SMIM31: variants seen among roughly 807,000 people sequenced by gnomAD.
SMIM31 encodes the protein small integral membrane protein 31, also known as human epithelial cell program regulator.
At chr4:164,784,899 G>GT (rs112698821) in intron 2 of SMIM31, among the ~76,000 whole-genome samples, 18 of 146,242 alleles carry the variant, frequency 1.2e-4, no homozygotes, top group South Asian at 4.3e-4. Context: ...ATTTGTTTGG[G>GT]TTTTTTTTTT....
intron 1 of SMIM31, among the ~76,000 whole-genome samples, chr4:164,756,767 C>T (rs987574358): frequency 6.6e-6 from 1 of 151,964 alleles, no homozygotes; most frequent in Admixed American, 6.6e-5. Flanking sequence ...ATCACAAAAT[C>T]GTTCTTTTTA....
At chr4:164,762,077 C>T (rs1054314645) in intron 1 of SMIM31, among the ~76,000 whole-genome samples, 1 of 152,140 alleles carries the variant, frequency 6.6e-6, no homozygotes, top group East Asian at 1.9e-4. Flanking sequence ...CTCCACATGC[C>T]ACCACCCCCA....
chr4:164,758,153 A>G (rs920063459), intron 1 of SMIM31, among the ~76,000 whole-genome samples: 2 of 152,042 alleles, frequency 1.3e-5, no homozygotes, highest in African/African-American at 2.4e-5. Context: ...TCTATTTAAA[A>G]TATAATTATT....
chr4:164,773,938 G>C (rs547832376), intron 2 of SMIM31, among the ~76,000 whole-genome samples: 1 of 152,034 alleles, frequency 6.6e-6, no homozygotes. Context: ...AGGCCGAGGC[G>C]GGCGGATCAC....
chr4:164,754,662 G>C (rs981028534), intron 1 of SMIM31, among the ~76,000 whole-genome samples: 1 of 125,320 alleles, frequency 8.0e-6, no homozygotes, highest in Non-Finnish European at 1.6e-5. Context: ...CTTCTCTTTT[G>C]CTATGTTTGG....
At chr4:164,766,796 C>CA (rs33966423) in intron 1 of SMIM31, among the ~76,000 whole-genome samples, 13,466 of 115,910 alleles carry the variant, frequency 0.12, 827 homozygotes, top group East Asian at 0.19. Context: ...GACTCCATCT[C>CA]AAAAAAAAAA....
chr4:164,799,822 T>C (rs965061850), intron 2 of SMIM31, among the ~76,000 whole-genome samples: 4 of 152,230 alleles, frequency 2.6e-5, no homozygotes, highest in Non-Finnish European at 5.9e-5. Context: ...GTCTGAAGCA[T>C]GGTGTGTGCT....
chr4:164,789,001 G>A (rs1434597062), intron 2 of SMIM31, among the ~76,000 whole-genome samples: 1 of 151,834 alleles, frequency 6.6e-6, no homozygotes, highest in Non-Finnish European at 1.5e-5. Context: ...TGGAACTTTA[G>A]ATTTAAAAAG....
At position 164,801,157 on chromosome 4, in the gene SMIM31, C is replaced by T. The variant is rs1271719360; in HGVS notation, c.179C>T (p.Ser60Leu). The stretch of plus-strand genomic sequence containing the variant: ...AAGTCTGAAAAGAAGAAAAATTGCT[C>T]AGAGGAAGAGCACAGAATTGAAGCT... ...RKKSEKKKNC[S>L]EEEHRIEAVE... The change falls in exon 3 of 3, where the codon TCA becomes TTA. Residue 60 changes from serine to leucine, a missense_variant. Ser to Leu is a moderately radical substitution (Grantham distance 145). Coordinates refer to ENST00000507311, the MANE Select transcript of SMIM31 (RefSeq NM_001352885.1). The T allele has an allele frequency of 2.5e-6, 1 of 398,664 alleles. No homozygotes were observed. The highest frequency in any genetic ancestry group is 4.4e-6 in the Non-Finnish European group (1 of 226,026). The allele number at this position is 398,664 out of a possible 1,614,324, so 24.7% of individuals were successfully genotyped here. A position where few individuals can be genotyped will look rare whatever the true frequency, so the allele number is the denominator to read the frequency against.
At chr4:164,766,136 A>G (rs1560824629) in intron 1 of SMIM31, among the ~76,000 whole-genome samples, 1 of 152,212 alleles carries the variant, frequency 6.6e-6, no homozygotes, top group Non-Finnish European at 1.5e-5. Context: ...CCGTGAGGGC[A>G]ATAACAGCAG....
intron 2 of SMIM31, among the ~76,000 whole-genome samples, chr4:164,778,626 G>A (rs888711575): frequency 1.3e-5 from 2 of 152,126 alleles, no homozygotes; most frequent in Admixed American, 1.3e-4. Context: ...TGACCACATT[G>A]TAAAGCAGGG....
At chr4:164,796,382 G>T (rs1733195757) in intron 2 of SMIM31, among the ~76,000 whole-genome samples, 1 of 152,052 alleles carries the variant, frequency 6.6e-6, no homozygotes. Flanking sequence ...CAGTCCTTGT[G>T]TGCCTCCTTT....
intron 2 of SMIM31, among the ~76,000 whole-genome samples, chr4:164,798,052 A>AAAAGAC (rs1733228100): frequency 1.3e-5 from 2 of 152,138 alleles, no homozygotes; most frequent in African/African-American, 4.8e-5. Context: ...ATGTTGCTGC[A>AAAAGAC]AAAGACATGA....
Position 164,801,436 on chromosome 4 carries a change from CAAA to C in SMIM31, c.*251_*253del. On this transcript the variant is annotated 3_prime_UTR_variant, in exon 3 of 3. Coordinates refer to ENST00000507311, the MANE Select transcript of SMIM31 (RefSeq NM_001352885.1). ...ACCATTCTAGCTGCAATTGATTATA[CAAA>C]AAAAAAAAGACCAAAGTGGTTACAA... 4.2e-6 allele frequency: 1 copy of C among 238,402 alleles called. No homozygotes were observed. The highest frequency in any genetic ancestry group is 6.2e-5 in the Admixed American group (1 of 16,212). The allele number at this position is 238,402 out of a possible 1,614,324, so 14.8% of individuals were successfully genotyped here.
intron 1 of SMIM31, among the ~76,000 whole-genome samples, chr4:164,761,603 C>A (rs1001584570): frequency 6.6e-6 from 1 of 152,086 alleles, no homozygotes; most frequent in Non-Finnish European, 1.5e-5. Flanking sequence ...GTAATCTCCA[C>A]CCTGTTCATA....
intron 2 of SMIM31, among the ~76,000 whole-genome samples, chr4:164,796,415 G>A (rs1448069535): frequency 2.0e-5 from 3 of 152,126 alleles, no homozygotes; most frequent in African/African-American, 7.2e-5. Flanking sequence ...TAATGCTGGA[G>A]CGCCTGGGAC....
intron 1 of SMIM31, among the ~76,000 whole-genome samples, chr4:164,762,134 G>T (rs901806559): frequency 2.2e-4 from 34 of 152,068 alleles, no homozygotes; most frequent in Non-Finnish European, 8.8e-5. Context: ...TTGTGAAATG[G>T]GAAACTGCTT....
rs72177805 is a variant in SMIM31, at chr4:164,788,478, CTTTTTTTTTTTT to C, written c.113-12596_113-12585del. 1.9e-4 allele frequency among the ~76,000 whole-genome samples: 11 copies of C among 58,190 alleles called. 2 individuals carry two copies. In the Middle Eastern group the frequency reaches 0.045, roughly 240 times the overall value. 38.2% of individuals were successfully genotyped at this position (58,190 alleles called of 152,430 possible). On this transcript the variant is annotated intron_variant, in intron 2 of 2. Coordinates refer to ENST00000507311, the MANE Select transcript of SMIM31 (RefSeq NM_001352885.1). ...ATAAAATTTCTTTCTTCTAATTTTT[CTTTTTTTTTTTT>C]TTTTTTTTTTTTTTTTGAGACGGAG...
At chr4:164,796,380 G>A (rs1029064207) in intron 2 of SMIM31, among the ~76,000 whole-genome samples, 7 of 152,084 alleles carry the variant, frequency 4.6e-5, no homozygotes, top group African/African-American at 1.7e-4. Context: ...ATCAGTCCTT[G>A]TGTGCCTCCT....
Sources: gnomAD v4.1 joint callset for allele counts (sites outside exome capture counted in the v4.1 genomes callset) on GRCh38, gnomAD v4.1.1 for gene constraint, MANE v1.5 for transcripts, NCBI Gene and HGNC (gene_info 2026-07-23, HGNC 2026-07-21) for gene names.